The following GBX2 variants were observed in gnomAD, a reference collection of about 807,000 sequenced individuals.
GBX2 encodes gastrulation brain homeobox 2, also known as homeobox protein GBX-2.
GBX2 carries 5 observed loss-of-function variants against 22.4 expected under a neutral mutation model. That is an observed-to-expected ratio of 0.22 (90% CI 0.12 to 0.47). The LOEUF (loss-of-function observed/expected upper bound fraction) is 0.47, where lower values mean the gene tolerates loss of function less well. GBX2 is among the 20% of genes least tolerant of loss of function. The pLI is 0.99. For synonymous variants in GBX2, 220 were observed against 230.5 expected, an observed-to-expected ratio of 0.95 and a Z score of 0.41; for missense variants, 470 against 495.4, an observed-to-expected ratio of 0.95 and a Z score of 0.49.
rs1461317531 is a variant in GBX2, at chr2:236,166,703, C to T, written c.524-266G>A. 2.0e-5 allele frequency among the ~76,000 whole-genome samples: 3 copies of T among 152,084 alleles called. No individual in the cohort carries two copies. The highest frequency in any genetic ancestry group is 2.9e-5 in the Non-Finnish European group (2 of 68,028). On this transcript the variant is annotated intron_variant, in intron 1 of 1. Coordinates refer to ENST00000306318, the MANE Select transcript of GBX2 (RefSeq NM_001485.4). This position sits in a 1 kb window ranked among gnomAD's most constrained non-coding sequence, Gnocchi z 6.6. ...ACTCAAAGGGCCGCCATGCCTCCCC[C>T]GCACCCTCCCAGCCTCGGCAGCGTC...
At chr2:236,161,896 G>A (rs1382729769), downstream of GBX2, among the ~76,000 whole-genome samples, 1 of 152,226 alleles carries the variant, frequency 6.6e-6, no homozygotes, top group Non-Finnish European at 1.5e-5. Flanking sequence ...GCCCCGAGGT[G>A]AGAACCAGAG....
chr2:236,167,953 GC>G lies in GBX2; in HGVS notation c.18del (p.Pro7ArgfsTer3). The G allele has an allele frequency of 6.4e-7, 1 of 1,560,900 alleles. No individual in the cohort carries two copies. Among genetic ancestry groups the G allele is most frequent in the Non-Finnish European group, 8.7e-7 (1 of 1,155,904 alleles). MSAAFPPSLMMMQRPL... is the reference protein window; with the variant it reads MSAAFXPSLMMMQRPL... ...GGGCGCTGCATCATCATCAGCGACG[GC>G]GGGAACGCTGCGCTCATAGACGCGC... On this transcript the variant is annotated frameshift_variant, in exon 1 of 2. Transcript: ENST00000306318. LOFTEE classifies it high-confidence loss of function.
Position 236,166,320 on chromosome 2 carries a change from G to C in GBX2, c.641C>G (p.Thr214Ser), listed in dbSNP as rs1190170059. 2 of 1,613,892 alleles carry C rather than the reference G, an allele frequency of 1.2e-6. No homozygotes were observed. Among genetic ancestry groups the C allele is most frequent in the African/African-American group, 2.7e-5 (2 of 74,942 alleles). ...DVDYSSDDNL[T>S]GQAAHKEEDP... is the part of the protein sequence containing the mutation. ...TTCCTCCTTGTGAGCTGCCTGGCCA[G>C]TCAGATTGTCATCCGAGCTGTAGTC... Residue 214 changes from threonine (T) to serine (S), a missense_variant, in exon 2 of 2, where the codon ACT (threonine) becomes AGT (serine). Thr to Ser is a moderately conservative substitution (Grantham distance 58, BLOSUM62 1). Transcript: ENST00000306318. The surrounding 1 kb of genome is among the most constrained non-coding windows in gnomAD (Gnocchi z 6.6).
rs200404399 is a variant in GBX2 at position 236,167,767 on chromosome 2, C to A, written c.205G>T (p.Ala69Ser). ...GCGGGCGGCAGCGCTGGCTGCAGCG[C>A]GGCCTGGGGCAGCGCGGGCGGCGGC... Reference protein sequence around the residue: ...PPPPPALPQAALQPALPPAHP... With the variant: ...PPPPPALPQASLQPALPPAHP... Residue 69 changes from alanine to serine, a missense_variant, in exon 1 of 2, where the codon GCG becomes TCG. By Grantham distance (99) the Ala-to-Ser change is moderately conservative. Coordinates refer to ENST00000306318, the MANE Select transcript of GBX2 (RefSeq NM_001485.4). The A allele has an allele frequency of 3.1e-4, 443 of 1,415,052 alleles. 4 individuals carry two copies. In the African/African-American group the frequency reaches 5.2e-3, roughly 17 times the overall value. The allele number at this position is 1,415,052 out of a possible 1,614,324, so 87.7% of individuals were successfully genotyped here.
intron 1 of GBX2, chr2:236,167,135 T>C (rs1055585491): frequency 4.6e-6 from 7 of 1,535,350 alleles, no homozygotes; most frequent in Non-Finnish European, 6.1e-6. Flanking sequence ...GGCTGCAACC[T>C]ACCCGGAACC....
chr2:236,162,433 C>T (rs1168476156), downstream of GBX2, among the ~76,000 whole-genome samples: 1 of 152,208 alleles, frequency 6.6e-6, no homozygotes, highest in African/African-American at 2.4e-5. Flanking sequence ...CAGGTGGGTC[C>T]CGGCTGCTGG....
chr2:236,168,007 G>A lies in GBX2; in HGVS notation c.-36C>T, dbSNP rs1396795803. ...GGTAGAGGCCAGCGAGAGGCGAAAA[G>A]TCCCCGCGCCGCGCCGCCGCCGGGA... On this transcript the variant is annotated 5_prime_UTR_variant, in exon 1 of 2. Coordinates refer to ENST00000306318, the MANE Select transcript of GBX2 (RefSeq NM_001485.4). 3 of 1,445,794 alleles carry A rather than the reference G, an allele frequency of 2.1e-6. No individual in the cohort carries two copies. Among genetic ancestry groups the A allele is most frequent in the Non-Finnish European group, 2.7e-6 (3 of 1,101,028 alleles). 89.6% of individuals were successfully genotyped at this position (1,445,794 alleles called of 1,614,324 possible).
At position 236,165,846 on chromosome 2, in the gene GBX2, C is replaced by G; in HGVS notation, c.*68G>C. 7.8e-7 allele frequency: 1 copy of G among 1,281,154 alleles called. No individual in the cohort carries two copies. 79.4% of individuals were successfully genotyped at this position (1,281,154 alleles called of 1,614,324 possible). On this transcript the variant is annotated 3_prime_UTR_variant, in exon 2 of 2. Coordinates refer to ENST00000306318, the MANE Select transcript of GBX2 (RefSeq NM_001485.4). The stretch of plus-strand genomic sequence containing the variant: ...TTTGTTGCTTCAAACACAGTGGAGT[C>G]CACCATGGGTTCCCTCGGGTGCGGG...
chr2:236,168,003 A>T lies in GBX2; in HGVS notation c.-32T>A. 1.3e-6 allele frequency: 2 copies of T among 1,490,320 alleles called. No homozygotes were observed. The highest frequency in any genetic ancestry group is 1.8e-6 in the Non-Finnish European group (2 of 1,123,388). The allele number at this position is 1,490,320 out of a possible 1,614,324, so 92.3% of individuals were successfully genotyped here. Reference sequence around the variant, plus strand: ...GCTCGGTAGAGGCCAGCGAGAGGCGAAAAGTCCCCGCGCCGCGCCGCCGCC... The same window carrying T: ...GCTCGGTAGAGGCCAGCGAGAGGCGTAAAGTCCCCGCGCCGCGCCGCCGCC... On this transcript the variant is annotated 5_prime_UTR_variant, in exon 1 of 2. Transcript: ENST00000306318.
chr2:236,161,823 C>T (rs150980157), downstream of GBX2, among the ~76,000 whole-genome samples: 484 of 152,318 alleles, frequency 3.2e-3, 4 homozygotes, highest in African/African-American at 0.011. Context: ...AAGAGGGCCC[C>T]GAGAGGGTCT....
In GBX2 at chr2:236,166,475, CA is replaced by C; in HGVS notation, c.524-39del. The C allele has an allele frequency of 6.3e-7, 1 of 1,579,362 alleles. No individual in the cohort carries two copies. The highest frequency in any genetic ancestry group is 1.2e-5 in the South Asian group (1 of 86,698). ...CCAAACGGCATTTTATTACATTTCGCACACTGGCCTTCCTTTCTCCTTCCCA... is the reference window on the plus strand; with the variant it reads ...CCAAACGGCATTTTATTACATTTCGCCACTGGCCTTCCTTTCTCCTTCCCA... On this transcript the variant is annotated intron_variant, in intron 1 of 1. Transcript: ENST00000306318. The surrounding 1 kb of genome is among the most constrained non-coding windows in gnomAD (Gnocchi z 6.6).
In GBX2 at chr2:236,165,318, C is replaced by T. The variant is rs2060232233; in HGVS notation, c.*596G>A. On this transcript the variant is annotated 3_prime_UTR_variant, in exon 2 of 2. Transcript: ENST00000306318. ...ATGTCATAACTTATAAGAAAATAAG[C>T]TACATTGAAATAAATTAACACAACG... is the stretch of plus-strand genomic sequence containing the variant. 6.6e-6 allele frequency: 1 copy of T among 152,302 alleles called. No individual in the cohort carries two copies. Among genetic ancestry groups the T allele is most frequent in the Admixed American group, 6.5e-5 (1 of 15,286 alleles). The allele number at this position is 152,302 out of a possible 1,614,324, so 9.4% of individuals were successfully genotyped here. A position where few individuals can be genotyped will look rare whatever the true frequency, so the allele number is the denominator to read the frequency against.
downstream of GBX2, among the ~76,000 whole-genome samples, chr2:236,164,033 A>G (rs1466628534): frequency 6.6e-6 from 1 of 152,126 alleles, no homozygotes; most frequent in Non-Finnish European, 1.5e-5. Context: ...CGCCACCGGA[A>G]CTGTTGGGAA....
chr2:236,164,602 C>T (rs894505592), downstream of GBX2, among the ~76,000 whole-genome samples: 7 of 152,128 alleles, frequency 4.6e-5, no homozygotes, highest in Non-Finnish European at 1.5e-5. Flanking sequence ...TGCGGACTAC[C>T]GGGGCGTCCT....
chr2:236,165,312 A>G lies in GBX2; in HGVS notation c.*602T>C, dbSNP rs1297107847. On this transcript the variant is annotated 3_prime_UTR_variant, in exon 2 of 2. Transcript: ENST00000306318. ...GTTTAAATGTCATAACTTATAAGAA[A>G]ATAAGCTACATTGAAATAAATTAAC... 1 of 152,392 alleles carries G rather than the reference A, an allele frequency of 6.6e-6. No individual in the cohort carries two copies. Among genetic ancestry groups the G allele is most frequent in the African/African-American group, 2.4e-5 (1 of 41,466 alleles). 9.4% of individuals were successfully genotyped at this position (152,392 alleles called of 1,614,324 possible).
rs753718265 is a variant in GBX2 at position 236,167,688 on chromosome 2, G to T, written c.284C>A (p.Ala95Glu). Residue 95 changes from alanine (A) to glutamate (E), a missense_variant, in exon 1 of 2, where the codon GCG (alanine) becomes GAG (glutamate). Ala to Glu is a moderately radical substitution (Grantham distance 107, BLOSUM62 -1). This residue lies in a region of GBX2 where 377 missense variants were observed against 358.6 expected (regional missense o/e 1.05). Transcript: ENST00000306318. Reference protein sequence around the residue: ...SLPTGFCSSLAQGMALTSTLM... With the variant: ...SLPTGFCSSLEQGMALTSTLM... ...CGTAGAGGTGAGCGCCATGCCCTGC[G>T]CCAGGCTGGAGCAGAAGCCTGTGGG... The T allele has an allele frequency of 3.2e-6, 5 of 1,580,124 alleles. No homozygotes were observed. Among genetic ancestry groups the T allele is most frequent in the Non-Finnish European group, 4.3e-6 (5 of 1,167,552 alleles).
At position 236,167,090 on chromosome 2, in the gene GBX2, G is replaced by C. The variant is rs942159911; in HGVS notation, c.523+359C>G. Reference sequence around the variant, plus strand: ...TCTGGGCGCCCCTGGGCACACGCACGGCTGAGACGCGCAGCCCAACCCGTC... The same window carrying C: ...TCTGGGCGCCCCTGGGCACACGCACCGCTGAGACGCGCAGCCCAACCCGTC... On this transcript the variant is annotated intron_variant, in intron 1 of 1. Coordinates refer to ENST00000306318, the MANE Select transcript of GBX2 (RefSeq NM_001485.4). The C allele has an allele frequency of 2.6e-6, 4 of 1,514,688 alleles. No homozygotes were observed. In the South Asian group the frequency reaches 3.6e-5, roughly 14 times the overall value. 93.8% of individuals were successfully genotyped at this position (1,514,688 alleles called of 1,614,324 possible).
chr2:236,166,280 C>T lies in GBX2; in HGVS notation c.681G>A (p.Ala227=), dbSNP rs2060238679. The change falls in exon 2 of 2, where the codon GCG becomes GCA. Residue 227 remains alanine (A), a synonymous_variant. Transcript: ENST00000306318. This position sits in a 1 kb window ranked among gnomAD's most constrained non-coding sequence, Gnocchi z 6.6. The part of the protein sequence containing the change: ...AAHKEEDPGH[A]LEETPPSSGA... ...CGCTGCTCGGCGGGGTCTCCTCCAG[C>T]GCGTGGCCCGGGTCTTCCTCCTTGT... is the stretch of plus-strand genomic sequence containing the variant. 2 of 1,613,800 alleles carry T rather than the reference C, an allele frequency of 1.2e-6. No homozygotes were observed. The highest frequency in any genetic ancestry group is 4.5e-5 in the East Asian group (2 of 44,866).
In GBX2 at chr2:236,166,251, G is replaced by A. The variant is rs764433841; in HGVS notation, c.710C>T (p.Ala237Val). 4.3e-6 allele frequency: 7 copies of A among 1,613,570 alleles called. No individual in the cohort carries two copies. The highest frequency in any genetic ancestry group is 5.9e-6 in the Non-Finnish European group (7 of 1,179,934). ...GCCCGTAGACGTGGTGCTGCCCGCG[G>A]CGCCGCTGCTCGGCGGGGTCTCCTC... ...ALEETPPSSG[A>V]AGSTTSTGKN... is the part of the protein sequence containing the mutation. The change falls in exon 2 of 2, where the codon GCC becomes GTC. Residue 237 changes from alanine (A) to valine (V), a missense_variant. Ala to Val is a moderately conservative substitution (Grantham distance 64, BLOSUM62 0). Coordinates refer to ENST00000306318, the MANE Select transcript of GBX2 (RefSeq NM_001485.4). This position sits in a 1 kb window ranked among gnomAD's most constrained non-coding sequence, Gnocchi z 6.6.
Sources: allele counts gnomAD v4.1 joint callset (sites outside exome capture counted in the v4.1 genomes callset), GRCh38; gene constraint gnomAD v4.1.1; regional missense constraint gnomAD v4.1.1; non-coding constraint Gnocchi (gnomAD v3.1); transcripts MANE v1.5; gene names NCBI Gene and HGNC (gene_info 2026-07-23, HGNC 2026-07-21).